PTK2: variants seen among roughly 807,000 people sequenced by gnomAD.
PTK2 encodes the protein protein tyrosine kinase 2.
PTK2 carries 45 observed loss-of-function variants against 150.1 expected under a neutral mutation model. The ratio of observed to expected loss-of-function variants is 0.30; its 90% CI spans 0.24 to 0.38. PTK2 has a LOEUF of 0.38. Ranked by LOEUF, PTK2 falls within the 10% of genes least tolerant of loss-of-function variation. The probability of loss-of-function intolerance (pLI) is 1.00; values close to 1 mark genes in which losing one functional copy is unlikely to be tolerated. For synonymous variants in PTK2, 432 were observed against 449.2 expected (o/e 0.96, Z 0.48); for missense variants, 919 against 1,307.3 (o/e 0.70, Z 4.58).
intron 24 of PTK2, among the ~76,000 whole-genome samples, chr8:140,704,895 C>G (rs1181748127): frequency 1.3e-5 from 2 of 152,060 alleles, no homozygotes; most frequent in Non-Finnish European, 2.9e-5. Flanking sequence ...TAGAATAGTA[C>G]CAGGCAGAGT....
At chr8:141,000,748 T>G (rs1373848722) in intron 1 of PTK2, 2 of 58,038 alleles carry the variant, frequency 3.4e-5, no homozygotes, top group Non-Finnish European at 6.5e-5. Flanking sequence ...CCCCTTGGCC[T>G]CCCCGCGCGC....
intron 10 of PTK2, among the ~76,000 whole-genome samples, chr8:140,812,656 C>A (rs1325365036): frequency 2.9e-4 from 44 of 152,094 alleles, no homozygotes; most frequent in Non-Finnish European, 1.5e-5. Context: ...TGCAATGACA[C>A]ACATAGGCTC....
intron 31 of PTK2, 123 bp downstream of exon 35, chr8:140,664,794 T>C (rs1258276895): frequency 2.6e-5 from 24 of 938,100 alleles, no homozygotes; most frequent in South Asian, 2.2e-4. Context: ...TCATCGCTTG[T>C]AGGGCAGTTG....
intron 20 of PTK2, among the ~76,000 whole-genome samples, chr8:140,739,725 T>C (rs964915465): frequency 1.3e-5 from 2 of 152,126 alleles, no homozygotes; most frequent in African/African-American, 4.8e-5. Context: ...GTGCCAGAGT[T>C]GGGATTCAAA....
chr8:140,857,274 G>T (rs1438853305), intron 5 of PTK2, among the ~76,000 whole-genome samples: 1 of 152,120 alleles, frequency 6.6e-6, no homozygotes, highest in Admixed American at 6.5e-5. Flanking sequence ...GCTTCTCAGT[G>T]TCTTCACAAT....
rs370537018 is a variant in PTK2 at position 140,820,076 on chromosome 8, GTTTTTTTTTTTTTTT to G, written c.649-1071_649-1057del. On this transcript the variant is annotated intron_variant, in intron 8 of 31. Transcript: ENST00000522684. ...AGAGGAGTGACTTTATCTGACTTTGGTTTTTTTTTTTTTTTTTTTTTTTTTTTTTTTTTTTTTTTT... is the reference window on the plus strand; with the variant it reads ...AGAGGAGTGACTTTATCTGACTTTGGTTTTTTTTTTTTTTTTTTTTTTTTT... 1.7e-3 allele frequency among the ~76,000 whole-genome samples: 84 copies of G among 50,250 alleles called. 1 individual carries two copies. Among genetic ancestry groups the G allele is most frequent in the Admixed American group, 5.2e-3 (17 of 3,278 alleles). 33.0% of individuals were successfully genotyped at this position (50,250 alleles called of 152,430 possible).
chr8:140,920,788 G>A lies in PTK2; in HGVS notation c.-33+4873C>T, dbSNP rs566324763. ...GCAAAAGCATGAATTCAAATAAAAC[G>A]GAACATATTTTTAAGTTATTTATAC... On this transcript the variant is annotated intron_variant, in intron 2 of 31. Transcript: ENST00000522684. 1.0e-4 allele frequency: 147 copies of A among 1,447,360 alleles called. 1 individual carries two copies. The highest frequency in any genetic ancestry group is 8.9e-4 in the Middle Eastern group (5 of 5,648). 89.7% of individuals were successfully genotyped at this position (1,447,360 alleles called of 1,614,324 possible).
intron 25 of PTK2, among the ~76,000 whole-genome samples, chr8:140,702,230 T>TA (rs1302133291): frequency 2.7e-5 from 4 of 149,766 alleles, no homozygotes; most frequent in African/African-American, 7.3e-5. Context: ...ACCTTTTTTT[T>TA]TTTTTTTGAG....
At chr8:140,914,686 A>G (rs1470783500) in intron 2 of PTK2, among the ~76,000 whole-genome samples, 3 of 151,934 alleles carry the variant, frequency 2.0e-5, no homozygotes, top group Non-Finnish European at 4.4e-5. Context: ...GCTTCTAACG[A>G]CTGAAACCTC....
chr8:140,870,862 T>C (rs1221649894), intron 4 of PTK2, among the ~76,000 whole-genome samples: 2 of 152,210 alleles, frequency 1.3e-5, no homozygotes, highest in Non-Finnish European at 2.9e-5. Context: ...CTTTTGGTTA[T>C]ATTTTAGAGC....
In PTK2 at chr8:140,942,645, T is replaced by C. The variant is rs562473614; in HGVS notation, c.-121-16896A>G. ...GTGCGTGCGTGTGTGTGTGTGTGTG[T>C]GCGCGCATATATGTGTGCAAGAGTA... On this transcript the variant is annotated intron_variant, in intron 1 of 31. Coordinates refer to ENST00000522684, the Ensembl canonical transcript of PTK2. Among the ~76,000 whole-genome samples, 1,092 of 151,494 alleles carry C rather than the reference T, an allele frequency of 7.2e-3. 20 individuals carry two copies. Among genetic ancestry groups the C allele is most frequent in the African/African-American group, 0.023 (970 of 41,494 alleles).
intron 23 of PTK2, among the ~76,000 whole-genome samples, chr8:140,706,792 A>G (rs916277140): frequency 5.3e-5 from 8 of 152,236 alleles, no homozygotes; most frequent in Non-Finnish European, 1.2e-4. Flanking sequence ...GCTACTCAGG[A>G]GGCTAAAGTG....
chr8:140,872,328 A>G (rs2100143008), intron 4 of PTK2, among the ~76,000 whole-genome samples: 1 of 150,182 alleles, frequency 6.7e-6, no homozygotes, highest in South Asian at 2.3e-4. Context: ...TACAGGTGTG[A>G]GCCACCACGC....
chr8:140,710,771 C>T (rs567379117), intron 23 of PTK2, among the ~76,000 whole-genome samples: 12 of 152,332 alleles, frequency 7.9e-5, no homozygotes, highest in African/African-American at 2.9e-4. Context: ...GGAATTTATG[C>T]ATCTGTGGAT....
intron 4 of PTK2, among the ~76,000 whole-genome samples, chr8:140,877,269 A>T (rs1600087809): frequency 6.6e-6 from 1 of 152,038 alleles, no homozygotes; most frequent in East Asian, 1.9e-4. Context: ...CCTGAACTCA[A>T]GTGATTTGCC....
intron 27 of PTK2, among the ~76,000 whole-genome samples, chr8:140,675,939 CAA>C (rs1024136672): frequency 3.3e-5 from 5 of 152,178 alleles, no homozygotes; most frequent in Non-Finnish European, 7.3e-5. Flanking sequence ...ATCATTGTAT[CAA>C]AAAGATACCT....
chr8:140,976,032 A>G (rs1428926345), intron 1 of PTK2, among the ~76,000 whole-genome samples: 5 of 152,216 alleles, frequency 3.3e-5, no homozygotes, highest in African/African-American at 1.2e-4. Flanking sequence ...AGCACCTTAC[A>G]TTTGTATACC....
chr8:140,666,550 C>A (rs576096417), intron 30 of PTK2, among the ~76,000 whole-genome samples: 1 of 152,230 alleles, frequency 6.6e-6, no homozygotes, highest in African/African-American at 2.4e-5. Flanking sequence ...CACTTCACAT[C>A]CATTAGGATG....
chr8:140,725,060 T>C (rs2100044945), intron 22 of PTK2, among the ~76,000 whole-genome samples: 1 of 152,242 alleles, frequency 6.6e-6, no homozygotes, highest in Admixed American at 6.5e-5. Context: ...TAAAGTCTTT[T>C]GTTTGGTTAT....
Sources: allele counts gnomAD v4.1 joint callset (sites outside exome capture counted in the v4.1 genomes callset), GRCh38; gene constraint gnomAD v4.1.1; transcripts MANE v1.5; gene names NCBI Gene and HGNC (gene_info 2026-07-23, HGNC 2026-07-21).